Variants in DCAF8L2 observed in about 807,000 individuals in gnomAD.
DCAF8L2 encodes DDB1 and CUL4 associated factor 8 like 2.
For synonymous variants in DCAF8L2, 200 were observed against 190.9 expected (o/e 1.05, Z -0.39); for missense variants, 430 against 490.7 (o/e 0.88, Z 1.17).
chrX:27,519,553 T>A, the DCAF8L2 span: 7 of 718,899 alleles, frequency 9.7e-6, no homozygotes, highest in Admixed American at 2.2e-5. Context: ...AACTGTGATG[T>A]CTACCCTCTC....
At chrX:27,534,890 T>A in the DCAF8L2 span, among the ~76,000 whole-genome samples, 3 of 111,933 alleles carry the variant, frequency 2.7e-5, no homozygotes, top group Non-Finnish European at 5.6e-5. Flanking sequence ...CAATTTTCCA[T>A]AGGGAGTTTA....
At chrX:27,717,782 C>T (rs1284680038) in intron 4 of DCAF8L2, among the ~76,000 whole-genome samples, 1 of 111,545 alleles carries the variant, frequency 9.0e-6, no homozygotes, top group African/African-American at 3.3e-5. Flanking sequence ...TGTTTTATTT[C>T]CCTAGAACAA....
the DCAF8L2 span, among the ~76,000 whole-genome samples, chrX:27,527,071 A>C: frequency 1.8e-5 from 2 of 112,305 alleles, no homozygotes; most frequent in Non-Finnish European, 3.8e-5. Flanking sequence ...GGGACATTTA[A>C]GTCTGCAGAG....
the DCAF8L2 span, among the ~76,000 whole-genome samples, chrX:27,494,475 T>A: frequency 8.9e-6 from 1 of 112,146 alleles, no homozygotes; most frequent in Non-Finnish European, 1.9e-5. Flanking sequence ...GCACAGTTGA[T>A]GTTTAATAGT....
chrX:27,486,011 ATT>A, the DCAF8L2 span, among the ~76,000 whole-genome samples: 1 of 81,728 alleles, frequency 1.2e-5, no homozygotes, highest in Non-Finnish European at 2.4e-5. Context: ...TCCACTCTAG[ATT>A]TTTTTTTTTT....
intron 2 of DCAF8L2, among the ~76,000 whole-genome samples, chrX:27,637,607 T>C (rs1414401628): frequency 2.7e-5 from 3 of 112,385 alleles, no homozygotes; most frequent in African/African-American, 9.7e-5. Flanking sequence ...TTCTTCAAAT[T>C]TGAGTATTGA....
At chrX:27,611,107 G>A (rs1181367094) in intron 1 of DCAF8L2, among the ~76,000 whole-genome samples, 1 of 111,159 alleles carries the variant, frequency 9.0e-6, no homozygotes, top group Non-Finnish European at 1.9e-5. Flanking sequence ...TTGATTCAAT[G>A]ATATTGTGTT....
intron 3 of DCAF8L2, among the ~76,000 whole-genome samples, chrX:27,684,931 A>G (rs921671975): frequency 9.0e-6 from 1 of 111,463 alleles, no homozygotes; most frequent in East Asian, 2.8e-4. Flanking sequence ...TCTTATATCT[A>G]TCTTTACATT....
At chrX:27,525,661 T>A in the DCAF8L2 span, among the ~76,000 whole-genome samples, 2 of 111,885 alleles carry the variant, frequency 1.8e-5, no homozygotes, top group African/African-American at 6.5e-5. Context: ...TTGCAGTGGC[T>A]GATACCAGTT....
At chrX:27,676,459 T>G (rs940657565) in intron 2 of DCAF8L2, among the ~76,000 whole-genome samples, 1 of 111,343 alleles carries the variant, frequency 9.0e-6, no homozygotes, top group Non-Finnish European at 1.9e-5. Context: ...TATACAATAT[T>G]AGAATCTTAA....
chrX:27,592,998 C>A (rs1252001088), intron 1 of DCAF8L2, among the ~76,000 whole-genome samples: 2 of 110,647 alleles, frequency 1.8e-5, no homozygotes, highest in Non-Finnish European at 3.8e-5. Flanking sequence ...GGGGTTTCAC[C>A]ATATTGGCCA....
chrX:27,501,252 C>T, the DCAF8L2 span, among the ~76,000 whole-genome samples: 1 of 105,097 alleles, frequency 9.5e-6, no homozygotes, highest in Admixed American at 1.0e-4. Context: ...CCTCCTCCCC[C>T]TCTTCTCCTC....
At chrX:27,498,392 A>G in the DCAF8L2 span, among the ~76,000 whole-genome samples, 4 of 112,437 alleles carry the variant, frequency 3.6e-5, no homozygotes, top group African/African-American at 6.5e-5. Context: ...GTATGAGGTG[A>G]TATCTCATTG....
At chrX:27,514,687 AAAAAAAAACAAAAAAAAAAAAC>A in the DCAF8L2 span, among the ~76,000 whole-genome samples, 2 of 79,494 alleles carry the variant, frequency 2.5e-5, no homozygotes, top group African/African-American at 1.2e-4. Context: ...AAAAAAAAAA[AAAAAAAAACAAAAAAAAAAAAC>A]AGAGTGAAAT....
At chrX:27,687,370 A>G (rs1363333444) in intron 3 of DCAF8L2, among the ~76,000 whole-genome samples, 2 of 111,950 alleles carry the variant, frequency 1.8e-5, no homozygotes, top group African/African-American at 6.5e-5. Flanking sequence ...ATGAGGAAAA[A>G]TACAAACAGA....
chrX:27,516,607 T>C, the DCAF8L2 span, among the ~76,000 whole-genome samples: 3 of 111,256 alleles, frequency 2.7e-5, no homozygotes, highest in African/African-American at 9.8e-5. Context: ...CAAATCAGAA[T>C]CCCACAGTTT....
chrX:27,602,712 A>G, intron 1 of DCAF8L2, among the ~76,000 whole-genome samples: 1 of 111,691 alleles, frequency 9.0e-6, no homozygotes, highest in Admixed American at 9.6e-5. Flanking sequence ...TTTATGTTAG[A>G]AAAATTGCTA....
intron 2 of DCAF8L2, among the ~76,000 whole-genome samples, chrX:27,674,664 G>T (rs1014164172): frequency 1.2e-4 from 13 of 111,536 alleles, no homozygotes; most frequent in African/African-American, 4.2e-4. Context: ...ACATTGGCAG[G>T]GGTTCAGGAA....
chrX:27,694,059 G>A (rs1930807616), intron 3 of DCAF8L2, among the ~76,000 whole-genome samples: 1 of 112,068 alleles, frequency 8.9e-6, no homozygotes, highest in African/African-American at 3.2e-5. Flanking sequence ...GTCCTTAGCA[G>A]CAAAATGGGT....
Sources: gnomAD v4.1 joint callset for allele counts (sites outside exome capture counted in the v4.1 genomes callset) on GRCh38, gnomAD v4.1.1 for gene constraint, MANE v1.5 for transcripts, NCBI Gene and HGNC (gene_info 2026-07-23, HGNC 2026-07-21) for gene names.